LRRTM4: variants seen among roughly 807,000 people sequenced by gnomAD.
The protein encoded by LRRTM4 is leucine rich repeat transmembrane neuronal 4.
In LRRTM4, 25 loss-of-function variants were observed where a neutral mutation model predicts 47.6. That is an observed-to-expected ratio of 0.53 (90% confidence interval 0.38 to 0.73). LRRTM4 has a LOEUF of 0.73. Ranked by LOEUF, LRRTM4 falls within the 30% of genes least tolerant of loss-of-function variation. The pLI, the probability that LRRTM4 is intolerant of heterozygous loss-of-function variation, is 0.00. For missense variants in LRRTM4, 638 were observed against 713.4 expected (o/e 0.89, Z 1.20); for synonymous variants, 311 against 269.5 (o/e 1.15, Z -1.51).
chr2:76,754,688 G>T (rs1672966412), intron 3 of LRRTM4, among the ~76,000 whole-genome samples: 1 of 152,270 alleles, frequency 6.6e-6, no homozygotes, highest in South Asian at 2.1e-4. Context: ...ACCAATAGGT[G>T]AGGTGTCTAC....
intron 3 of LRRTM4, among the ~76,000 whole-genome samples, chr2:76,941,350 A>G (rs900377371): frequency 6.6e-6 from 1 of 152,166 alleles, no homozygotes; most frequent in African/African-American, 2.4e-5. Context: ...GTTCTGGGAT[A>G]CATGTGCAGA....
intron 3 of LRRTM4, among the ~76,000 whole-genome samples, chr2:76,945,587 A>G (rs935555304): frequency 1.3e-5 from 2 of 152,200 alleles, no homozygotes; most frequent in African/African-American, 2.4e-5. Context: ...AATATATATT[A>G]GAGACTGAAA....
chr2:76,981,337 A>C (rs767993038), intron 3 of LRRTM4, among the ~76,000 whole-genome samples: 2 of 152,106 alleles, frequency 1.3e-5, no homozygotes, highest in Non-Finnish European at 2.9e-5. Context: ...CACAGTTGGG[A>C]AGAGCAACTA....
intron 3 of LRRTM4, among the ~76,000 whole-genome samples, chr2:77,217,440 AATATATATATAT>A (rs34070418): frequency 2.6e-4 from 20 of 76,818 alleles, no homozygotes; most frequent in African/African-American, 7.5e-4. Flanking sequence ...CTCCAAATGA[AATATATATATAT>A]ATATATATAT....
intron 3 of LRRTM4, among the ~76,000 whole-genome samples, chr2:77,455,765 C>T (rs1558751275): frequency 6.6e-6 from 1 of 152,010 alleles, no homozygotes; most frequent in Non-Finnish European, 1.5e-5. Context: ...TTTTTTATCA[C>T]TTCACATTAG....
chr2:76,913,128 G>A (rs1168477296), intron 3 of LRRTM4, among the ~76,000 whole-genome samples: 1 of 152,090 alleles, frequency 6.6e-6, no homozygotes, highest in Non-Finnish European at 1.5e-5. Flanking sequence ...TATTCATATT[G>A]AATATATCTT....
At chr2:77,226,150 T>C (rs1674798907) in intron 3 of LRRTM4, among the ~76,000 whole-genome samples, 1 of 151,718 alleles carries the variant, frequency 6.6e-6, no homozygotes, top group Non-Finnish European at 1.5e-5. Context: ...CTAAAAATCA[T>C]AAAAAACAAA....
intron 3 of LRRTM4, among the ~76,000 whole-genome samples, chr2:77,246,956 T>C (rs940166092): frequency 3.9e-5 from 6 of 152,074 alleles, no homozygotes; most frequent in African/African-American, 1.4e-4. Flanking sequence ...GAGGCAAATA[T>C]GCCAGCATAT....
Position 76,787,438 on chromosome 2 carries a change from CATT to C in LRRTM4, c.1552-38525_1552-38523del, listed in dbSNP as rs1046960060. Among the ~76,000 whole-genome samples the C allele has an allele frequency of 2.5e-4, 38 of 152,024 alleles. 1 individual carries two copies. ...TACTTTATACATTTCCAGATGTCAA[CATT>C]ATCAGATGGTAAGCCCATTGTCTAC... On this transcript the variant is annotated intron_variant, in intron 3 of 3. Coordinates refer to ENST00000409884, the MANE Select transcript of LRRTM4 (RefSeq NM_001134745.3).
At chr2:76,802,776 G>C (rs1005463391) in intron 3 of LRRTM4, among the ~76,000 whole-genome samples, 5 of 152,050 alleles carry the variant, frequency 3.3e-5, no homozygotes, top group African/African-American at 1.2e-4. Flanking sequence ...ACATAGGATA[G>C]AGAACTCAGA....
intron 3 of LRRTM4, among the ~76,000 whole-genome samples, chr2:77,471,969 C>A (rs1677205972): frequency 1.3e-5 from 2 of 152,136 alleles, no homozygotes; most frequent in East Asian, 1.9e-4. Context: ...CTTTTATGAT[C>A]ATTCATAAGC....
In LRRTM4 at chr2:76,807,593, T is replaced by TTTA. The variant is rs541996994; in HGVS notation, c.1552-58680_1552-58678dup. ...AGTTTTATTTTCATTATTTCTTTAT[T>TTTA]TTATTATTATTATTTTGAGACTAAG... On this transcript the variant is annotated intron_variant, in intron 3 of 3. Transcript: ENST00000409884. 6.5e-3 allele frequency among the ~76,000 whole-genome samples: 977 copies of TTTA among 150,548 alleles called. 6 individuals carry two copies. The highest frequency in any genetic ancestry group is 0.01 in the Non-Finnish European group (684 of 67,688).
chr2:77,235,004 T>C (rs1675065417), intron 3 of LRRTM4, among the ~76,000 whole-genome samples: 1 of 152,160 alleles, frequency 6.6e-6, no homozygotes, highest in Non-Finnish European at 1.5e-5. Context: ...ATTATTGCAG[T>C]AATTTGCTTA....
chr2:76,799,433 G>A (rs1347401431), intron 3 of LRRTM4, among the ~76,000 whole-genome samples: 1 of 128,622 alleles, frequency 7.8e-6, no homozygotes, highest in African/African-American at 3.2e-5. Flanking sequence ...AATAAATTAG[G>A]TATTGATGGG....
chr2:77,037,085 A>G (rs1225249795), intron 3 of LRRTM4, among the ~76,000 whole-genome samples: 4 of 151,584 alleles, frequency 2.6e-5, no homozygotes, highest in African/African-American at 9.7e-5. Context: ...TTTCCCTCTC[A>G]CCCAAATTAT....
chr2:77,150,503 G>C (rs1882372), intron 3 of LRRTM4, among the ~76,000 whole-genome samples: 1,728 of 152,214 alleles, frequency 0.011, 33 homozygotes, highest in Middle Eastern at 0.037. Flanking sequence ...TATGAGAAAG[G>C]TCCAGAAGCC....
In LRRTM4 at chr2:77,391,001, A is replaced by T. The variant is rs963633589; in HGVS notation, c.1551+127317T>A. Among the ~76,000 whole-genome samples the T allele has an allele frequency of 1.4e-4, 22 of 152,046 alleles. No homozygotes were observed. The East Asian group carries it at 4.3e-3, about 30-fold the overall frequency. On this transcript the variant is annotated intron_variant, in intron 3 of 3. Coordinates refer to ENST00000409884, the MANE Select transcript of LRRTM4 (RefSeq NM_001134745.3). ...AGTCTGTCTGCTTAAATTTTTAAGA[A>T]CTTCAGACAATGAAAAGGAGCTTAT...
At chr2:77,197,905 C>A (rs1673873232) in intron 3 of LRRTM4, among the ~76,000 whole-genome samples, 1 of 152,152 alleles carries the variant, frequency 6.6e-6, no homozygotes, top group Non-Finnish European at 1.5e-5. Context: ...TGTATTATAT[C>A]AACCAGGGGA....
intron 3 of LRRTM4, among the ~76,000 whole-genome samples, chr2:76,839,586 C>CT (rs1671613415): frequency 1.3e-5 from 2 of 151,984 alleles, no homozygotes; most frequent in Admixed American, 6.6e-5. Context: ...CATTTCTAAT[C>CT]TATCATTCTT....
Sources: allele counts gnomAD v4.1 joint callset (sites outside exome capture counted in the v4.1 genomes callset), GRCh38; gene constraint gnomAD v4.1.1; transcripts MANE v1.5; gene names NCBI Gene and HGNC (gene_info 2026-07-23, HGNC 2026-07-21).